PUM1: variants seen among roughly 807,000 people sequenced by gnomAD.
PUM1 encodes the protein pumilio homolog 1.
Under a neutral mutation model 131.8 loss-of-function variants are expected in PUM1, and 13 were observed. The observed-to-expected ratio is 0.10, with a 90% CI of 0.06 to 0.16. The LOEUF (loss-of-function observed/expected upper bound fraction) is 0.16, where lower values mean the gene tolerates loss of function less well. Among genes scored for constraint, PUM1 ranks in the 10% least tolerant of loss-of-function variants. The probability of loss-of-function intolerance (pLI) is 1.00; values close to 1 mark genes in which losing one functional copy is unlikely to be tolerated. For synonymous variants in PUM1, 509 were observed against 556.5 expected (o/e 0.91, Z 1.20); for missense variants, 961 against 1,512.4 (o/e 0.64, Z 6.05).
chr1:30,956,579 T>A (rs1316903800), intron 14 of PUM1, among the ~76,000 whole-genome samples: 1 of 152,154 alleles, frequency 6.6e-6, no homozygotes, highest in East Asian at 1.9e-4. Context: ...TGTTCTTTAT[T>A]CCATTTCAGA....
At chr1:31,028,543 T>G (rs1222578008) in intron 3 of PUM1, among the ~76,000 whole-genome samples, 1 of 152,220 alleles carries the variant, frequency 6.6e-6, no homozygotes, top group African/African-American at 2.4e-5. Flanking sequence ...TAGCTGACAT[T>G]AATATTCAAT....
At chr1:31,065,079 C>T (rs916717618) in intron 1 of PUM1, among the ~76,000 whole-genome samples, 2 of 152,208 alleles carry the variant, frequency 1.3e-5, no homozygotes, top group Non-Finnish European at 2.9e-5. Context: ...CACTTCTCCA[C>T]ATTTAAGGCT....
intron 2 of PUM1, among the ~76,000 whole-genome samples, chr1:31,030,164 G>A (rs1179549228): frequency 4.0e-5 from 6 of 151,880 alleles, no homozygotes; most frequent in East Asian, 1.9e-4. Flanking sequence ...AGCCAAGATC[G>A]CGCCATTGCA....
chr1:31,055,529 C>T, intron 2 of PUM1: 1 of 365,784 alleles, frequency 2.7e-6, no homozygotes, highest in Non-Finnish European at 5.5e-6. Flanking sequence ...ACCAACTACC[C>T]TGAGTTCCCC....
chr1:31,019,334 A>G (rs1028345788), intron 3 of PUM1, among the ~76,000 whole-genome samples: 2 of 152,272 alleles, frequency 1.3e-5, no homozygotes, highest in African/African-American at 2.4e-5. Flanking sequence ...CCTGGGCAAC[A>G]GGGCAAGACT....
intron 2 of PUM1, among the ~76,000 whole-genome samples, chr1:31,054,997 T>C (rs1644205050): frequency 6.6e-6 from 1 of 152,124 alleles, no homozygotes; most frequent in Admixed American, 6.6e-5. Context: ...AAAAGGGTAT[T>C]TATCTCCTTC....
In PUM1 at chr1:30,968,361, G is replaced by A. The variant is rs1203137714; in HGVS notation, c.1638C>T (p.Gly546=). 6.3e-7 allele frequency: 1 copy of A among 1,584,408 alleles called. No homozygotes were observed. Among genetic ancestry groups the A allele is most frequent in the South Asian group, 1.1e-5 (1 of 87,980 alleles). ...ATAACAATGCAGCCGCACCTGGCATGCCTGCTGCCAGACCTTGTCCAAATG... is the reference window on the plus strand; with the variant it reads ...ATAACAATGCAGCCGCACCTGGCATACCTGCTGCCAGACCTTGTCCAAATG... ...ALAFGQGLAA[G]MPGYPVLAPA... The change falls in exon 11 of 22, where the codon GGC becomes GGT. Residue 546 remains glycine, a synonymous_variant. Transcript: ENST00000426105.
chr1:31,004,985 A>C (rs1182680175), intron 5 of PUM1, among the ~76,000 whole-genome samples: 2 of 152,226 alleles, frequency 1.3e-5, no homozygotes, highest in Non-Finnish European at 2.9e-5. Context: ...AAAGTACAAA[A>C]CAAGTTTAGA....
chr1:30,999,017 T>C (rs894811641), intron 5 of PUM1, among the ~76,000 whole-genome samples: 3 of 151,974 alleles, frequency 2.0e-5, no homozygotes, highest in African/African-American at 7.3e-5. Flanking sequence ...GTTTTTGTTT[T>C]TGAGACAGGG....
intron 3 of PUM1, among the ~76,000 whole-genome samples, chr1:31,020,982 A>G (rs957792201): frequency 6.6e-6 from 1 of 152,232 alleles, no homozygotes; most frequent in Admixed American, 6.5e-5. Flanking sequence ...ATGGAACAAA[A>G]GTAATTCTAT....
chr1:30,938,852 G>A (rs1338880022), intron 20 of PUM1, among the ~76,000 whole-genome samples: 1 of 152,092 alleles, frequency 6.6e-6, no homozygotes, highest in African/African-American at 2.4e-5. Flanking sequence ...GCGACAGAGC[G>A]AGACTCCATC....
At chr1:31,015,238 C>A (rs1642768436) in intron 3 of PUM1, among the ~76,000 whole-genome samples, 1 of 152,124 alleles carries the variant, frequency 6.6e-6, no homozygotes, top group Admixed American at 6.5e-5. Flanking sequence ...TCAACTAATT[C>A]TCTAATAAAT....
chr1:31,051,224 A>T (rs971098524), intron 2 of PUM1, among the ~76,000 whole-genome samples: 1 of 151,938 alleles, frequency 6.6e-6, no homozygotes, highest in African/African-American at 2.4e-5. Context: ...TGGGTATCAG[A>T]ATATCATTGT....
intron 18 of PUM1, among the ~76,000 whole-genome samples, chr1:30,944,559 C>T (rs947840347): frequency 1.4e-4 from 22 of 152,298 alleles, no homozygotes; most frequent in Middle Eastern, 6.8e-3. Context: ...TAGAAGTTAT[C>T]TCTGGTTATT....
intron 17 of PUM1, among the ~76,000 whole-genome samples, chr1:30,947,011 GT>G (rs1639704557): frequency 6.6e-6 from 1 of 152,190 alleles, no homozygotes; most frequent in South Asian, 2.1e-4. Context: ...TTAAGCTAGA[GT>G]TTACCCCTGG....
intron 2 of PUM1, among the ~76,000 whole-genome samples, chr1:31,056,261 C>T (rs2005359): frequency 0.29 from 43,219 of 151,642 alleles, 7,931 homozygotes; most frequent in East Asian, 0.53. Flanking sequence ...TATCTTCATC[C>T]CAAAGAAAGA....
chr1:31,015,350 T>A (rs1278871128), intron 3 of PUM1, among the ~76,000 whole-genome samples: 3 of 151,944 alleles, frequency 2.0e-5, no homozygotes, highest in African/African-American at 7.2e-5. Flanking sequence ...TCTTTTTCTT[T>A]TTTTTTTTTG....
At chr1:30,993,940 C>T (rs1021674298) in intron 6 of PUM1, among the ~76,000 whole-genome samples, 5 of 151,996 alleles carry the variant, frequency 3.3e-5, no homozygotes, top group East Asian at 3.9e-4. Flanking sequence ...CATGGTGGTG[C>T]GCGGCTGTAG....
At chr1:31,053,016 T>TC (rs1288502266) in intron 2 of PUM1, among the ~76,000 whole-genome samples, 2 of 146,630 alleles carry the variant, frequency 1.4e-5, no homozygotes, top group East Asian at 4.1e-4. Flanking sequence ...ATATCCATCA[T>TC]CTTTTTTTTT....
Sources: gnomAD v4.1 joint callset for allele counts (sites outside exome capture counted in the v4.1 genomes callset) on GRCh38, gnomAD v4.1.1 for gene constraint, MANE v1.5 for transcripts, NCBI Gene and HGNC (gene_info 2026-07-23, HGNC 2026-07-21) for gene names.